ROBO2: variants seen among roughly 807,000 people sequenced by gnomAD.
ROBO2 encodes roundabout homolog 2.
In ROBO2, 53 loss-of-function variants were observed where a neutral mutation model predicts 160.8. That is an observed-to-expected ratio of 0.33 (90% CI 0.26 to 0.41). The LOEUF (loss-of-function observed/expected upper bound fraction) is 0.41. Ranked by LOEUF, ROBO2 falls within the 10% of genes least tolerant of loss-of-function variation. The pLI is 1.00. For synonymous variants in ROBO2, 664 were observed against 611.7 expected, an observed-to-expected ratio of 1.09 and a Z score of -1.26; for missense variants, 1,577 against 1,722.4, an observed-to-expected ratio of 0.92 and a Z score of 1.49.
rs2063320921 is a variant in ROBO2 at position 77,031,495 on chromosome 3, A to ATTAACTATAT, written c.110-66515_110-66514insCTATATTTAA. Among the ~76,000 whole-genome samples the ATTAACTATAT allele has an allele frequency of 3.4e-5, 5 of 146,682 alleles. No individual in the cohort carries two copies. The East Asian group carries it at 9.7e-4, about 29-fold the overall frequency. On this transcript the variant is annotated intron_variant, in intron 2 of 26. Coordinates refer to the ROBO2 transcript ENST00000487694. Reference sequence around the variant, plus strand: ...TGACTATTATATATAATAAATATATATTAAATATATTTAAATATATCTACT... The same window carrying ATTAACTATAT: ...TGACTATTATATATAATAAATATATATTAACTATATTTAAATATATTTAAATATATCTACT...
At chr3:77,567,137 T>G (rs1221585679) in intron 12 of ROBO2, among the ~76,000 whole-genome samples, 3 of 151,954 alleles carry the variant, frequency 2.0e-5, no homozygotes, top group African/African-American at 7.2e-5. Context: ...TTAGTCTCAA[T>G]TATTTACGAC....
intron 1 of ROBO2, among the ~76,000 whole-genome samples, chr3:77,088,450 G>A (rs1441100544): frequency 5.9e-5 from 9 of 151,850 alleles, no homozygotes; most frequent in African/African-American, 1.7e-4. Flanking sequence ...GGTTTGTTAC[G>A]TAGGTAAATG....
At chr3:77,536,354 A>T (rs139559488) in intron 6 of ROBO2, among the ~76,000 whole-genome samples, 4 of 151,818 alleles carry the variant, frequency 2.6e-5, no homozygotes, top group Admixed American at 1.3e-4. Context: ...ACTTAATCTA[A>T]AAGAACAAAT....
chr3:75,915,585 C>G (rs1421005048), intron 1 of ROBO2, among the ~76,000 whole-genome samples: 1 of 152,122 alleles, frequency 6.6e-6, no homozygotes, highest in East Asian at 1.9e-4. Context: ...TCAATACTTG[C>G]AACAAGTGTG....
chr3:77,182,753 T>C (rs1372723919), intron 2 of ROBO2, among the ~76,000 whole-genome samples: 1 of 152,070 alleles, frequency 6.6e-6, no homozygotes, highest in Non-Finnish European at 1.5e-5. Context: ...AGAGACTCTG[T>C]GTTCCCACAG....
At chr3:76,106,333 A>T (rs771513690) in intron 2 of ROBO2, among the ~76,000 whole-genome samples, 6 of 152,204 alleles carry the variant, frequency 3.9e-5, no homozygotes, top group Non-Finnish European at 8.8e-5. Context: ...GATATTATAT[A>T]TTTGAACATT....
At chr3:75,995,341 AAAT>A (rs1245902590) in intron 2 of ROBO2, among the ~76,000 whole-genome samples, 3 of 152,126 alleles carry the variant, frequency 2.0e-5, no homozygotes, top group Non-Finnish European at 4.4e-5. Flanking sequence ...GCTGTAGCTA[AAAT>A]GGGCCAATAT....
intron 2 of ROBO2, among the ~76,000 whole-genome samples, chr3:77,263,450 A>G (rs578153789): frequency 5.3e-4 from 81 of 152,104 alleles, no homozygotes; most frequent in African/African-American, 1.9e-3. Context: ...CTTCCCCTCC[A>G]TGTGTCCATG....
intron 2 of ROBO2, among the ~76,000 whole-genome samples, chr3:76,923,722 CT>C (rs1291096900): frequency 6.6e-6 from 1 of 152,226 alleles, no homozygotes; most frequent in Non-Finnish European, 1.5e-5. Context: ...ACACTGTGTC[CT>C]GTCTACAACT....
rs143400099 is a variant in ROBO2, at chr3:76,656,772, G to A, written c.110-441242G>A. Reference sequence around the variant, plus strand: ...AGTGACTGTTCTTTTGCCTCAGGGCGTTAGAAAATCAGTAAAGTCTGTAGT... The same window carrying A: ...AGTGACTGTTCTTTTGCCTCAGGGCATTAGAAAATCAGTAAAGTCTGTAGT... On this transcript the variant is annotated intron_variant, in intron 2 of 26. Transcript: ENST00000487694. Among the ~76,000 whole-genome samples the A allele has an allele frequency of 5.3e-5, 8 of 151,384 alleles. No homozygotes were observed. The East Asian group carries it at 1.4e-3, about 26-fold the overall frequency.
chr3:76,025,927 C>G lies in ROBO2; in HGVS notation c.109+88325C>G, dbSNP rs137910693. 2.8e-3 allele frequency among the ~76,000 whole-genome samples: 426 copies of G among 151,978 alleles called. 1 individual carries two copies. The highest frequency in any genetic ancestry group is 5.2e-3 in the Non-Finnish European group (351 of 67,844). ...CCAGTCCAGAATTTCTACATGAGCT[C>G]TACCATCCTATTAGACATTTTCTCC... On this transcript the variant is annotated intron_variant, in intron 2 of 26. Transcript: ENST00000487694.
chr3:77,110,002 G>A (rs1214896401), intron 2 of ROBO2, among the ~76,000 whole-genome samples: 5 of 152,146 alleles, frequency 3.3e-5, no homozygotes, highest in Admixed American at 6.5e-5. Flanking sequence ...GGGATATGAC[G>A]GAAAGAAACA....
chr3:76,649,357 A>T (rs2091144884), intron 2 of ROBO2, among the ~76,000 whole-genome samples: 1 of 152,188 alleles, frequency 6.6e-6, no homozygotes, highest in Admixed American at 6.5e-5. Context: ...TTCAGAATAA[A>T]CTTAATTTAT....
At chr3:76,307,075 C>G (rs1312359813) in intron 2 of ROBO2, among the ~76,000 whole-genome samples, 1 of 152,146 alleles carries the variant, frequency 6.6e-6, no homozygotes, top group Non-Finnish European at 1.5e-5. Context: ...CCCTGCCTAC[C>G]GCTGCTACTC....
intron 2 of ROBO2, among the ~76,000 whole-genome samples, chr3:75,939,678 G>A (rs886375270): frequency 1.3e-5 from 2 of 152,100 alleles, no homozygotes; most frequent in African/African-American, 4.8e-5. Flanking sequence ...TAGGTATAAT[G>A]AGCAAATCTT....
rs141543000 is a variant in ROBO2, at chr3:77,266,023, T to C, written c.388+167683T>C. ...AAGCTATTCTACGTATTTGGTAAGATATGCAGAATCAGGACATGTTCCAAA... is the reference window on the plus strand; with the variant it reads ...AAGCTATTCTACGTATTTGGTAAGACATGCAGAATCAGGACATGTTCCAAA... On this transcript the variant is annotated intron_variant, in intron 2 of 25. Transcript: ENST00000461745. Among the ~76,000 whole-genome samples the C allele has an allele frequency of 2.8e-4, 42 of 152,246 alleles. 1 individual carries two copies. In the East Asian group the frequency reaches 8.1e-3, roughly 29 times the overall value.
At chr3:77,358,089 G>A (rs1273567544) in intron 2 of ROBO2, among the ~76,000 whole-genome samples, 1 of 152,130 alleles carries the variant, frequency 6.6e-6, no homozygotes, top group African/African-American at 2.4e-5. Flanking sequence ...GCTACAACCT[G>A]GGTATTTGGT....
At chr3:77,008,536 C>G (rs4257592) in intron 2 of ROBO2, among the ~76,000 whole-genome samples, 1 of 151,878 alleles carries the variant, frequency 6.6e-6, no homozygotes, top group Non-Finnish European at 1.5e-5. Flanking sequence ...AGGTTTGTTT[C>G]CTTTGTGGGT....
intron 2 of ROBO2, among the ~76,000 whole-genome samples, chr3:76,610,145 A>G (rs558930212): frequency 3.9e-5 from 6 of 152,172 alleles, no homozygotes; most frequent in Admixed American, 1.3e-4. Flanking sequence ...ATGTTCATCA[A>G]GGATATTGGT....
Sources: allele counts gnomAD v4.1 joint callset (sites outside exome capture counted in the v4.1 genomes callset), GRCh38; gene constraint gnomAD v4.1.1; transcripts MANE v1.5; gene names NCBI Gene and HGNC (gene_info 2026-07-23, HGNC 2026-07-21).